The following IRAK2 variants were observed in gnomAD, a reference collection of about 807,000 sequenced individuals.
IRAK2 encodes interleukin 1 receptor associated kinase 2.
Under a neutral mutation model 72.0 loss-of-function variants are expected in IRAK2, and 57 were observed. The observed-to-expected ratio is 0.79, with a 90% CI of 0.64 to 0.99. The LOEUF (loss-of-function observed/expected upper bound fraction) is 0.99. IRAK2 is among the 50% of genes least tolerant of loss of function. The pLI, the probability that IRAK2 is intolerant of heterozygous loss-of-function variation, is 0.00. For missense variants in IRAK2, 790 were observed against 794.4 expected (o/e 0.99, Z 0.07); for synonymous variants, 293 against 312.7 (o/e 0.94, Z 0.67).
chr3:10,201,643 G>C (rs1278413419), intron 3 of IRAK2, among the ~76,000 whole-genome samples: 3 of 152,226 alleles, frequency 2.0e-5, no homozygotes, highest in Non-Finnish European at 4.4e-5. Flanking sequence ...CAAGGGCTCA[G>C]GGACAGTTTC....
intron 2 of IRAK2, among the ~76,000 whole-genome samples, chr3:10,195,310 A>C (rs1426729531): frequency 6.6e-6 from 1 of 152,156 alleles, no homozygotes; most frequent in Non-Finnish European, 1.5e-5. Flanking sequence ...TAATCCCAGC[A>C]CTTTGGGAGG....
At chr3:10,214,765 C>T (rs1000334498) in intron 6 of IRAK2, among the ~76,000 whole-genome samples, 12 of 151,714 alleles carry the variant, frequency 7.9e-5, no homozygotes, top group East Asian at 3.9e-4. Context: ...GGCAACATAG[C>T]GAGACCCTGT....
intron 2 of IRAK2, among the ~76,000 whole-genome samples, chr3:10,194,032 C>T (rs560481396): frequency 2.0e-5 from 3 of 152,380 alleles, no homozygotes; most frequent in Admixed American, 2.0e-4. Context: ...ACCTTTCTGG[C>T]AGAACTGAAG....
intron 2 of IRAK2, among the ~76,000 whole-genome samples, chr3:10,193,392 C>G (rs1473378165): frequency 6.6e-6 from 1 of 152,012 alleles, no homozygotes; most frequent in Admixed American, 6.6e-5. Context: ...TTGCTTGAGC[C>G]CAGGAGTTTG....
At chr3:10,197,376 C>T (rs1362552609) in intron 2 of IRAK2, among the ~76,000 whole-genome samples, 1 of 148,628 alleles carries the variant, frequency 6.7e-6, no homozygotes, top group African/African-American at 2.5e-5. Context: ...CAGAGTAAGA[C>T]TCTGTCTCAA....
At chr3:10,241,425 G>C (rs1383212455) in intron 12 of IRAK2, among the ~76,000 whole-genome samples, 1 of 151,042 alleles carries the variant, frequency 6.6e-6, no homozygotes, top group Non-Finnish European at 1.5e-5. Context: ...TGGGCGTGGT[G>C]GTGGGCGCCT....
At chr3:10,165,327 C>A (rs141760688) in intron 1 of IRAK2, among the ~76,000 whole-genome samples, 10 of 152,298 alleles carry the variant, frequency 6.6e-5, no homozygotes, top group Admixed American at 1.3e-4. Context: ...GTCAGCGCTG[C>A]TGGCTCGGTG....
intron 1 of IRAK2, among the ~76,000 whole-genome samples, chr3:10,172,854 A>AAAAAAAAG (rs1696819563): frequency 6.7e-6 from 1 of 148,696 alleles, no homozygotes; most frequent in Admixed American, 6.7e-5. Context: ...AAAAAAAAAA[A>AAAAAAAAG]AAAAAAAGTA....
intron 3 of IRAK2, among the ~76,000 whole-genome samples, chr3:10,203,168 T>C (rs949808425): frequency 1.3e-5 from 2 of 152,026 alleles, no homozygotes; most frequent in African/African-American, 4.8e-5. Context: ...GACTGATTTT[T>C]GTATTTTTTG....
At chr3:10,207,860 C>T (rs116832924) in intron 3 of IRAK2, among the ~76,000 whole-genome samples, 1,991 of 152,156 alleles carry the variant, frequency 0.013, 39 homozygotes, top group African/African-American at 0.045. Context: ...GGCATCATGG[C>T]GCACGCCTAT....
chr3:10,208,963 G>T (rs536361738), intron 3 of IRAK2, among the ~76,000 whole-genome samples: 1 of 151,878 alleles, frequency 6.6e-6, no homozygotes, highest in African/African-American at 2.4e-5. Context: ...CTCCAGCCCC[G>T]GGCCCTTCTA....
chr3:10,231,010 C>A (rs2125163397), intron 10 of IRAK2, among the ~76,000 whole-genome samples: 1 of 152,240 alleles, frequency 6.6e-6, no homozygotes, highest in East Asian at 1.9e-4. Context: ...GCCTCGGCGG[C>A]CTCCCAAGTA....
At chr3:10,222,196 AT>A (rs201644481) in intron 8 of IRAK2, among the ~76,000 whole-genome samples, 17 of 151,846 alleles carry the variant, frequency 1.1e-4, no homozygotes, top group African/African-American at 3.4e-4. Flanking sequence ...CCAAGAGGGA[AT>A]TTTTTTTTCT....
chr3:10,175,543 G>A (rs375083576), intron 1 of IRAK2, among the ~76,000 whole-genome samples: 27 of 152,190 alleles, frequency 1.8e-4, no homozygotes, highest in African/African-American at 5.8e-4. Flanking sequence ...TGCTTGAGGC[G>A]AGGAGTGCGA....
At chr3:10,179,157 G>T (rs968931273) in intron 2 of IRAK2, among the ~76,000 whole-genome samples, 4 of 151,982 alleles carry the variant, frequency 2.6e-5, no homozygotes, top group Admixed American at 6.6e-5. Flanking sequence ...AAGACCTTGG[G>T]GACTTTTCAT....
chr3:10,174,309 C>G (rs1696840207), intron 1 of IRAK2, among the ~76,000 whole-genome samples: 1 of 152,094 alleles, frequency 6.6e-6, no homozygotes, highest in African/African-American at 2.4e-5. Context: ...GAGACTGTCA[C>G]CAGCCCATTT....
intron 12 of IRAK2, among the ~76,000 whole-genome samples, chr3:10,241,321 AG>A: frequency 6.6e-6 from 1 of 151,784 alleles, no homozygotes; most frequent in African/African-American, 2.4e-5. Flanking sequence ...ACACTTTGGG[AG>A]GCTGAGGCGG....
chr3:10,170,234 C>T (rs3844278), intron 1 of IRAK2, among the ~76,000 whole-genome samples: 26,536 of 152,142 alleles, frequency 0.17, 2,677 homozygotes, highest in Admixed American at 0.26. Flanking sequence ...CTGCTTCTAC[C>T]ATCACCTCAT....
At chr3:10,221,248 A>ATTTT (rs34742796) in intron 8 of IRAK2, among the ~76,000 whole-genome samples, 65 of 89,700 alleles carry the variant, frequency 7.2e-4, no homozygotes, top group Middle Eastern at 8.3e-3. Flanking sequence ...AAAAAAAAAA[A>ATTTT]TTTTTTTTTT....
Sources: allele counts gnomAD v4.1 joint callset (sites outside exome capture counted in the v4.1 genomes callset), GRCh38; gene constraint gnomAD v4.1.1; transcripts MANE v1.5; gene names NCBI Gene and HGNC (gene_info 2026-07-23, HGNC 2026-07-21).